RANBP2: variants seen among roughly 807,000 people sequenced by gnomAD.
The protein encoded by RANBP2 is E3 SUMO-protein ligase RanBP2.
RANBP2 carries 57 observed loss-of-function variants against 303.6 expected under a neutral mutation model. That is an observed-to-expected ratio of 0.19 (90% CI 0.15 to 0.23). The LOEUF (loss-of-function observed/expected upper bound fraction) is 0.23. Among genes scored for constraint, RANBP2 ranks in the 10% least tolerant of loss-of-function variants. RANBP2 has a pLI of 1.00. For missense variants in RANBP2, 3,138 were observed against 3,780.8 expected, an observed-to-expected ratio of 0.83 and a Z score of 4.46; for synonymous variants, 1,167 against 1,301.5, an observed-to-expected ratio of 0.90 and a Z score of 2.23.
chr2:108,735,408 G>A (rs1695491829), intron 4 of RANBP2, 124 bp from the exon 5 acceptor site: 3 of 1,569,964 alleles, frequency 1.9e-6, no homozygotes, highest in Non-Finnish European at 2.6e-6. Flanking sequence ...AGGTATATAG[G>A]ATGGTGTTTT....
At chr2:109,192,224 C>T in the RANBP2 span, among the ~76,000 whole-genome samples, 1 of 152,306 alleles carries the variant, frequency 6.6e-6, no homozygotes, top group Admixed American at 6.5e-5. Context: ...ATGATTCTGT[C>T]TGTATCTAAG....
chr2:109,420,002 C>T, the RANBP2 span, among the ~76,000 whole-genome samples: 1 of 152,158 alleles, frequency 6.6e-6, no homozygotes, highest in African/African-American at 2.4e-5. Context: ...CGCAGAGCAG[C>T]GGGTAGTCTA....
chr2:109,682,660 T>C, the RANBP2 span, among the ~76,000 whole-genome samples: 4 of 152,170 alleles, frequency 2.6e-5, no homozygotes, highest in Admixed American at 2.0e-4. Flanking sequence ...GAACTCATAG[T>C]AAGGTGTGAT....
chr2:109,074,052 A>G, the RANBP2 span, among the ~76,000 whole-genome samples: 5 of 150,856 alleles, frequency 3.3e-5, no homozygotes, highest in African/African-American at 1.2e-4. Flanking sequence ...GGACAAAAGA[A>G]CTACAAGACA....
At chr2:109,685,762 T>C in the RANBP2 span, among the ~76,000 whole-genome samples, 1 of 151,966 alleles carries the variant, frequency 6.6e-6, no homozygotes, top group African/African-American at 2.4e-5. Context: ...GTGGGAAGGG[T>C]TATATGAAGG....
At chr2:109,353,572 G>A in the RANBP2 span, among the ~76,000 whole-genome samples, 1 of 152,154 alleles carries the variant, frequency 6.6e-6, no homozygotes, top group South Asian at 2.1e-4. Flanking sequence ...GGAGTGGGGT[G>A]CCCTGTGTCA....
At chr2:109,419,554 G>A in the RANBP2 span, 2 of 1,597,246 alleles carry the variant, frequency 1.3e-6, no homozygotes, top group African/African-American at 1.3e-5. Context: ...CTCCTCCTCG[G>A]CGGGATCTAC....
the RANBP2 span, among the ~76,000 whole-genome samples, chr2:109,027,300 T>C: frequency 6.8e-6 from 1 of 148,046 alleles, no homozygotes; most frequent in Non-Finnish European, 1.5e-5. Flanking sequence ...GGAGGGTGGG[T>C]CTCCTGGGGG....
the RANBP2 span, among the ~76,000 whole-genome samples, chr2:109,282,339 C>CA: frequency 6.6e-6 from 1 of 151,820 alleles, no homozygotes; most frequent in East Asian, 1.9e-4. Context: ...TTTTCTTAAC[C>CA]AAAAAAATCT....
At chr2:108,886,754 C>G in the RANBP2 span, among the ~76,000 whole-genome samples, 1 of 151,684 alleles carries the variant, frequency 6.6e-6, no homozygotes, top group Non-Finnish European at 1.5e-5. Flanking sequence ...AAAAATTTAA[C>G]TGTGGAGCTG....
the RANBP2 span, among the ~76,000 whole-genome samples, chr2:109,577,853 C>T: frequency 7.5e-6 from 1 of 132,846 alleles, no homozygotes; most frequent in East Asian, 2.2e-4. Flanking sequence ...GGGGAGGTTA[C>T]AGTGAGCCGA....
At chr2:109,574,745 T>C in the RANBP2 span, 35 of 1,594,592 alleles carry the variant, frequency 2.2e-5, no homozygotes, top group Non-Finnish European at 2.6e-5. Context: ...TGAGCATCTA[T>C]GTAGTCAACT....
chr2:109,377,279 G>C, the RANBP2 span, among the ~76,000 whole-genome samples: 3 of 152,328 alleles, frequency 2.0e-5, no homozygotes, highest in African/African-American at 4.8e-5. Flanking sequence ...GCGTTGGTCT[G>C]TGTGGGGAGA....
At chr2:109,248,877 TTCCTGTCCTTTCCTGTCCTG>T in the RANBP2 span, among the ~76,000 whole-genome samples, 1 of 76,734 alleles carries the variant, frequency 1.3e-5, no homozygotes, top group Non-Finnish European at 2.6e-5. Flanking sequence ...TTCCTTTCCT[TTCCTGTCCTTTCCTGTCCTG>T]TCCTGTCCTG....
chr2:108,750,349 A>T (rs1675775931), intron 9 of RANBP2, among the ~76,000 whole-genome samples: 1 of 152,176 alleles, frequency 6.6e-6, no homozygotes, highest in Admixed American at 6.5e-5. Context: ...ACTTTCTGTT[A>T]TTGGGCATCC....
chr2:108,765,140 G>A lies in RANBP2; in HGVS notation c.4601G>A (p.Ser1534Asn), dbSNP rs1677028098. 6.2e-7 allele frequency: 1 copy of A among 1,614,156 alleles called. No homozygotes were observed. Among genetic ancestry groups the A allele is most frequent in the Non-Finnish European group, 8.5e-7 (1 of 1,179,986 alleles). Residue 1534 changes from serine to asparagine, a missense_variant, in exon 20 of 29, where the codon AGT becomes AAT. Ser to Asn is a conservative substitution (Grantham distance 46, BLOSUM62 1). This residue lies in a region of RANBP2 where 388 missense variants were observed against 328.5 expected (regional missense o/e 1.18). Transcript: ENST00000283195. Reference protein sequence around the residue: ...GTSETSKTLKSGFEDMFAKKE... With the variant: ...GTSETSKTLKNGFEDMFAKKE... ...TCAGAGACAAGTAAAACTCTAAAAA[G>A]TGGATTTGAAGACATGTTTGCTAAG...
At chr2:109,091,885 T>A in the RANBP2 span, among the ~76,000 whole-genome samples, 1 of 152,146 alleles carries the variant, frequency 6.6e-6, no homozygotes, top group Non-Finnish European at 1.5e-5. Context: ...TTGTGGGATG[T>A]CTGTTTGTAG....
chr2:108,767,542 C>T lies in RANBP2; in HGVS notation c.7003C>T (p.His2335Tyr), dbSNP rs1206125008. 8 of 1,611,712 alleles carry T rather than the reference C, an allele frequency of 5.0e-6. No homozygotes were observed. Among genetic ancestry groups the T allele is most frequent in the Middle Eastern group, 4.5e-4 (2 of 4,452 alleles). ...GGAAAATGAACAAGTTGTTTTTAGT[C>T]ACAGGGCAAAACTCTACAGATATGA... ...GEENEQVVFS[H>Y]RAKLYRYDKD... is the part of the protein sequence containing the mutation. Residue 2335 changes from histidine to tyrosine, a missense_variant, in exon 20 of 29, where the codon CAC (histidine) becomes TAC (tyrosine). Physicochemically the swap from His to Tyr is moderately conservative, Grantham distance 83. Coordinates refer to ENST00000283195, the MANE Select transcript of RANBP2 (RefSeq NM_006267.5).
At chr2:108,972,351 T>C in the RANBP2 span, among the ~76,000 whole-genome samples, 2 of 152,300 alleles carry the variant, frequency 1.3e-5, no homozygotes, top group African/African-American at 2.4e-5. Context: ...GATGACCAAA[T>C]CAAAACAGGG....
Sources: allele counts gnomAD v4.1 joint callset (sites outside exome capture counted in the v4.1 genomes callset), GRCh38; gene constraint gnomAD v4.1.1; regional missense constraint gnomAD v4.1.1; transcripts MANE v1.5; gene names NCBI Gene and HGNC (gene_info 2026-07-23, HGNC 2026-07-21).